The following ZNF799 variants were observed in gnomAD, a reference collection of about 807,000 sequenced individuals.
ZNF799 encodes zinc finger protein 799.
A neutral mutation model predicts 41.0 loss-of-function variants in ZNF799; 28 were observed. That is an observed-to-expected ratio of 0.68 (90% CI 0.51 to 0.94). The LOEUF (loss-of-function observed/expected upper bound fraction) is 0.94. Among genes scored for constraint, ZNF799 ranks in the 40% least tolerant of loss-of-function variants. ZNF799 has a pLI of 0.00. For synonymous variants in ZNF799, 213 were observed against 252.9 expected, an observed-to-expected ratio of 0.84 and a Z score of 1.50; for missense variants, 716 against 764.3, an observed-to-expected ratio of 0.94 and a Z score of 0.74.
the ZNF799 span, among the ~76,000 whole-genome samples, chr19:12,410,472 C>G: frequency 0.33 from 50,615 of 151,198 alleles, 9,021 homozygotes; most frequent in South Asian, 0.51. Context: ...GCAGTGTTTA[C>G]AGGGAAATTC....
At chr19:12,414,207 T>C in the ZNF799 span, among the ~76,000 whole-genome samples, 50,589 of 151,924 alleles carry the variant, frequency 0.33, 8,986 homozygotes, top group South Asian at 0.51. Flanking sequence ...TACCATGTCC[T>C]GCCCCCTGGG....
chr19:12,401,328 T>C (rs920161362), upstream of ZNF799: 2 of 1,108,650 alleles, frequency 1.8e-6, no homozygotes, highest in East Asian at 5.4e-5. Flanking sequence ...GTGCCGCCCC[T>C]CGTGGACTGA....
Position 12,391,788 on chromosome 19 carries a change from T to C in ZNF799, c.610A>G (p.Lys204Glu). 6.2e-7 allele frequency: 1 copy of C among 1,614,164 alleles called. No individual in the cohort carries two copies. Among genetic ancestry groups the C allele is most frequent in the Non-Finnish European group, 8.5e-7 (1 of 1,179,998 alleles). ...DGPYKCKLCGKAFFWPSLLHM... is the reference protein window; with the variant it reads ...DGPYKCKLCGEAFFWPSLLHM... Reference sequence around the variant, plus strand: ...AATAAACTGGGCCAAAAAAACGCTTTCCCACACAACTTACATTTATAAGGT... The same window carrying C: ...AATAAACTGGGCCAAAAAAACGCTTCCCCACACAACTTACATTTATAAGGT... Residue 204 changes from lysine to glutamate, a missense_variant, in exon 4 of 4, where the codon AAA becomes GAA. This residue lies in a region of ZNF799 where 698 missense variants were observed against 713.6 expected (regional missense o/e 0.98). Coordinates refer to ENST00000430385, the MANE Select transcript of ZNF799 (RefSeq NM_001080821.3).
the ZNF799 span, among the ~76,000 whole-genome samples, chr19:12,412,201 C>T: frequency 6.6e-6 from 1 of 152,142 alleles, no homozygotes; most frequent in African/African-American, 2.4e-5. Flanking sequence ...TTTAAACACA[C>T]CAATTAGAAC....
At chr19:12,399,222 C>T (rs1969942617) in intron 1 of ZNF799, among the ~76,000 whole-genome samples, 1 of 152,164 alleles carries the variant, frequency 6.6e-6, no homozygotes, top group Admixed American at 6.5e-5. Context: ...CTGGGACATC[C>T]CTTAACCCTA....
chr19:12,400,827 G>A (rs1003998792), intron 1 of ZNF799: 13 of 618,252 alleles, frequency 2.1e-5, no homozygotes, highest in Non-Finnish European at 3.6e-5. Context: ...GGCTGCGGGC[G>A]CGGAGCTGCC....
chr19:12,404,309 T>C (rs1970015969), upstream of ZNF799, among the ~76,000 whole-genome samples: 1 of 152,092 alleles, frequency 6.6e-6, no homozygotes, highest in Admixed American at 6.6e-5. Flanking sequence ...CTTTCTTTTG[T>C]CTGATTTTTC....
At chr19:12,411,942 C>A in the ZNF799 span, among the ~76,000 whole-genome samples, 2 of 152,094 alleles carry the variant, frequency 1.3e-5, no homozygotes, top group African/African-American at 4.8e-5. Context: ...GCTTTGAACA[C>A]TCTCCAAGCA....
At position 12,390,895 on chromosome 19, in the gene ZNF799, C is replaced by A. The variant is rs1331225329; in HGVS notation, c.1503G>T (p.Glu501Asp). 6.2e-7 allele frequency: 1 copy of A among 1,614,032 alleles called. No homozygotes were observed. Among genetic ancestry groups the A allele is most frequent in the Non-Finnish European group, 8.5e-7 (1 of 1,179,988 alleles). Residue 501 changes from glutamate (E) to aspartate (D), a missense_variant, in exon 4 of 4, where the codon GAG becomes GAT. Glu to Asp is a conservative substitution (Grantham distance 45, BLOSUM62 2). Transcript: ENST00000430385. ...LSQHRRTHTG[E>D]KPYECNTCKK... Reference sequence around the variant, plus strand: ...TACATGTGTTACACTCATAAGGTTTCTCTCCTGTGTGAGTCCTTCTATGTT... The same window carrying A: ...TACATGTGTTACACTCATAAGGTTTATCTCCTGTGTGAGTCCTTCTATGTT...
chr19:12,391,231 T>C lies in ZNF799; in HGVS notation c.1167A>G (p.Gly389=). Residue 389 remains glycine (G), a synonymous_variant, in exon 4 of 4, where the codon GGA becomes GGG. Coordinates refer to ENST00000430385, the MANE Select transcript of ZNF799 (RefSeq NM_001080821.3). The part of the protein sequence containing the change: ...SFRRHMTMHT[G]DGPHKCKICG... ...ATATCTTGCATTTGTGAGGTCCATC[T>C]CCAGTGTGCATTGTCATGTGTCTTC... 1.2e-6 allele frequency: 2 copies of C among 1,614,182 alleles called. No individual in the cohort carries two copies. The highest frequency in any genetic ancestry group is 1.7e-6 in the Non-Finnish European group (2 of 1,180,012).
chr19:12,401,705 G>C (rs993017835), upstream of ZNF799, among the ~76,000 whole-genome samples: 14 of 151,442 alleles, frequency 9.2e-5, no homozygotes, highest in African/African-American at 3.4e-4. Context: ...CTCCCGAGTA[G>C]CTGGGATTAC....
chr19:12,403,820 G>A (rs779484694), upstream of ZNF799, among the ~76,000 whole-genome samples: 6 of 152,132 alleles, frequency 3.9e-5, no homozygotes, highest in Admixed American at 6.5e-5. Flanking sequence ...CCAAAGTGCT[G>A]GGATTACAGG....
Position 12,390,424 on chromosome 19 carries a change from T to C in ZNF799, c.*42A>G. The stretch of plus-strand genomic sequence containing the variant: ...TACAAGTATCTGAAATGAAATAAAA[T>C]TAATAAATGCTTTCCCACATTCCAT... On this transcript the variant is annotated 3_prime_UTR_variant, in exon 4 of 4. Transcript: ENST00000430385. 6.2e-7 allele frequency: 1 copy of C among 1,606,590 alleles called. No individual in the cohort carries two copies. Among genetic ancestry groups the C allele is most frequent in the Non-Finnish European group, 8.5e-7 (1 of 1,177,148 alleles).
chr19:12,412,830 G>C, the ZNF799 span, among the ~76,000 whole-genome samples: 1 of 151,648 alleles, frequency 6.6e-6, no homozygotes, highest in East Asian at 1.9e-4. Flanking sequence ...ACCTGAGGCC[G>C]GGAGTTTGAG....
chr19:12,390,924 A>G lies in ZNF799; in HGVS notation c.1474T>C (p.Ser492Pro). The G allele has an allele frequency of 6.2e-7, 1 of 1,613,066 alleles. No individual in the cohort carries two copies. ...GKAFSCFQYL[S>P]QHRRTHTGEK... Reference sequence around the variant, plus strand: ...CCTGTGTGAGTCCTTCTATGTTGAGAAAGGTATTGGAAACAACTGAATGCT... The same window carrying G: ...CCTGTGTGAGTCCTTCTATGTTGAGGAAGGTATTGGAAACAACTGAATGCT... Residue 492 changes from serine to proline, a missense_variant, in exon 4 of 4, where the codon TCT becomes CCT. Physicochemically the swap from Ser to Pro is moderately conservative, Grantham distance 74 (BLOSUM62 -1). Coordinates refer to ENST00000430385, the MANE Select transcript of ZNF799 (RefSeq NM_001080821.3).
rs772008190 is a variant in ZNF799 at position 12,391,817 on chromosome 19, T to C, written c.581A>G (p.Asp194Gly). The C allele has an allele frequency of 1.7e-5, 28 of 1,614,026 alleles. No homozygotes were observed. The South Asian group carries it at 3.1e-4, about 18-fold the overall frequency. ...ACACAACTTACATTTATAAGGTCCA[T>C]CTCCACGCTGCACTGCCATGTGTCT... is the stretch of plus-strand genomic sequence containing the variant. The part of the protein sequence containing the change: ...LQRHMAVQRG[D>G]GPYKCKLCGK... Residue 194 changes from aspartate (D) to glycine (G), a missense_variant, in exon 4 of 4, where the codon GAT (aspartate) becomes GGT (glycine). Physicochemically the swap from Asp to Gly is moderately conservative, Grantham distance 94 (BLOSUM62 -1). Around this residue, in one of 2 missense-constraint regions of ZNF799, gnomAD observed 698 missense variants for 713.6 expected, o/e 0.98. Coordinates refer to ENST00000430385, the MANE Select transcript of ZNF799 (RefSeq NM_001080821.3).
In ZNF799 at chr19:12,390,917, T is replaced by C. The variant is rs151038912; in HGVS notation, c.1481A>G (p.His494Arg). 1.7e-3 allele frequency: 2,746 copies of C among 1,614,092 alleles called. 8 individuals carry two copies. The highest frequency in any genetic ancestry group is 2.0e-3 in the Non-Finnish European group (2,400 of 1,179,982). ...AFSCFQYLSQ[H>R]RRTHTGEKPY... ...TTTCTCTCCTGTGTGAGTCCTTCTA[T>C]GTTGAGAAAGGTATTGGAAACAACT... Residue 494 changes from histidine (H) to arginine (R), a missense_variant, in exon 4 of 4, where the codon CAT becomes CGT. Physicochemically the swap from His to Arg is conservative, Grantham distance 29 (BLOSUM62 0). Coordinates refer to ENST00000430385, the MANE Select transcript of ZNF799 (RefSeq NM_001080821.3).
rs1347749628 is a variant in ZNF799, at chr19:12,393,404, T to A, written c.23A>T (p.Asp8Val). 5 of 1,261,948 alleles carry A rather than the reference T, an allele frequency of 4.0e-6. No individual in the cohort carries two copies. Among genetic ancestry groups the A allele is most frequent in the Non-Finnish European group, 5.5e-6 (5 of 904,158 alleles). 78.2% of individuals were successfully genotyped at this position (1,261,948 alleles called of 1,614,324 possible). A position where few individuals can be genotyped will look rare whatever the true frequency, so the allele number is the denominator to read the frequency against. The change falls in exon 2 of 4, where the codon GAT becomes GTT. Residue 8 changes from aspartate to valine, a missense_variant. Transcript: ENST00000430385. The part of the protein sequence containing the change: MASVALE[D>V]VAVNFTREEW... The stretch of plus-strand genomic sequence containing the variant: ...TTCTCGGGTGAAGTTCACAGCCACA[T>A]CCTCTAAAGCCACTGAGGCCTGATC...
intron 1 of ZNF799, among the ~76,000 whole-genome samples, chr19:12,396,173 T>C (rs891534898): frequency 1.3e-5 from 2 of 152,104 alleles, no homozygotes; most frequent in African/African-American, 2.4e-5. Context: ...GAAAATATGG[T>C]TCATCAATTG....
Sources: gnomAD v4.1 joint callset for allele counts (sites outside exome capture counted in the v4.1 genomes callset) on GRCh38, gnomAD v4.1.1 for gene constraint, gnomAD v4.1.1 regional missense constraint, MANE v1.5 for transcripts, NCBI Gene and HGNC (gene_info 2026-07-23, HGNC 2026-07-21) for gene names.